Variants in FARP1 observed in about 807,000 individuals in gnomAD.
The protein encoded by FARP1 is FERM, ARH/RhoGEF and pleckstrin domain protein 1.
A neutral mutation model predicts 128.8 loss-of-function variants in FARP1; 52 were observed. The observed-to-expected ratio is 0.40, with a 90% CI of 0.32 to 0.51. The LOEUF is 0.51. FARP1 is among the 20% of genes least tolerant of loss of function. The pLI, the probability that FARP1 is intolerant of heterozygous loss-of-function variation, is 0.45. For missense variants in FARP1, 1,333 were observed against 1,367.9 expected, an observed-to-expected ratio of 0.97 and a Z score of 0.40; for synonymous variants, 580 against 551.8, an observed-to-expected ratio of 1.05 and a Z score of -0.72.
At chr13:98,266,005 TAAC>T (rs1314418855) in intron 2 of FARP1, among the ~76,000 whole-genome samples, 1 of 152,210 alleles carries the variant, frequency 6.6e-6, no homozygotes, top group African/African-American at 2.4e-5. Context: ...TATGTGACAG[TAAC>T]AATAGGCTAA....
intron 1 of FARP1, among the ~76,000 whole-genome samples, chr13:98,155,245 C>T (rs1315492817): frequency 6.7e-6 from 1 of 149,080 alleles, no homozygotes; most frequent in African/African-American, 2.5e-5. Flanking sequence ...ACTTGGGAGG[C>T]TGATGCAGGA....
At chr13:98,381,923 C>A (rs1374482696) in intron 6 of FARP1, among the ~76,000 whole-genome samples, 1 of 152,088 alleles carries the variant, frequency 6.6e-6, no homozygotes, top group East Asian at 1.9e-4. Context: ...GAGACCCAGG[C>A]AGGAGGATCT....
chr13:98,270,368 C>T (rs1030849274), intron 2 of FARP1, among the ~76,000 whole-genome samples: 3 of 152,050 alleles, frequency 2.0e-5, no homozygotes, highest in African/African-American at 7.2e-5. Flanking sequence ...GCTTATTTTC[C>T]AAGAGCTCTC....
At chr13:98,440,532 G>C (rs558642915) in intron 23 of FARP1, 138 bp from the exon 24 acceptor site, 1 of 811,124 alleles carries the variant, frequency 1.2e-6, no homozygotes, top group South Asian at 1.8e-5. Context: ...AGGGTCCATC[G>C]AGGCCTCATT....
chr13:98,347,691 C>A (rs1191489436), intron 3 of FARP1, among the ~76,000 whole-genome samples: 1 of 152,174 alleles, frequency 6.6e-6, no homozygotes, highest in Non-Finnish European at 1.5e-5. Flanking sequence ...AGCCATGCTG[C>A]AATGAACGTG....
intron 2 of FARP1, among the ~76,000 whole-genome samples, chr13:98,266,809 C>A (rs7336510): frequency 6.6e-6 from 1 of 151,820 alleles, no homozygotes; most frequent in African/African-American, 2.4e-5. Context: ...GTCAGGAGTT[C>A]GAGACCAGCC....
intron 2 of FARP1, among the ~76,000 whole-genome samples, chr13:98,259,191 CT>C (rs1410348520): frequency 6.6e-6 from 1 of 152,074 alleles, no homozygotes; most frequent in Non-Finnish European, 1.5e-5. Context: ...ACTGTCACCC[CT>C]GGGCAACAGA....
At chr13:98,165,468 A>G (rs1303327195) in intron 1 of FARP1, among the ~76,000 whole-genome samples, 1 of 152,000 alleles carries the variant, frequency 6.6e-6, no homozygotes, top group Non-Finnish European at 1.5e-5. Flanking sequence ...AACCCCACCA[A>G]TTCAGAGTTC....
chr13:98,333,478 C>T (rs888484446), intron 2 of FARP1: 1 of 148,270 alleles, frequency 6.7e-6, no homozygotes, highest in African/African-American at 2.5e-5. Context: ...CACACACACA[C>T]AAAATCTATC....
chr13:98,162,311 G>A (rs1047567663), intron 1 of FARP1, among the ~76,000 whole-genome samples: 2 of 152,152 alleles, frequency 1.3e-5, no homozygotes, highest in African/African-American at 2.4e-5. Flanking sequence ...AGTGGCATAG[G>A]ACAGATTTCT....
intron 19 of FARP1, chr13:98,437,762 C>T: frequency 8.3e-6 from 12 of 1,440,218 alleles, no homozygotes; most frequent in Non-Finnish European, 1.2e-5. Context: ...CTCGGTCCCA[C>T]CAGCCTGGCT....
rs1049393637 is a variant in FARP1, at chr13:98,449,979, C to CCACT, written c.*1669_*1672dup. The CCACT allele has an allele frequency of 6.6e-6, 1 of 152,186 alleles. No homozygotes were observed. Among genetic ancestry groups the CCACT allele is most frequent in the African/African-American group, 2.4e-5 (1 of 41,430 alleles). The allele number at this position is 152,186 out of a possible 1,614,324, so 9.4% of individuals were successfully genotyped here. On this transcript the variant is annotated 3_prime_UTR_variant, in exon 27 of 27. Transcript: ENST00000319562. ...AGCATCAGGCTCCCTCCAGAAGTCA[C>CCACT]CACTCACTCATTCCTGGAGACTTGG...
chr13:98,421,919 A>G (rs1296737844), intron 16 of FARP1, among the ~76,000 whole-genome samples: 1 of 152,218 alleles, frequency 6.6e-6, no homozygotes, highest in East Asian at 1.9e-4. Flanking sequence ...ATAAGATCCT[A>G]AAATCTGGAA....
chr13:98,378,041 C>T lies in FARP1; in HGVS notation c.496+123C>T, dbSNP rs1889668018. ...ATGTTTTTGTGTTATTTTTGCTGTTCGTATGAAGGCCTACGGGTGGAAGAG... is the reference window on the plus strand; with the variant it reads ...ATGTTTTTGTGTTATTTTTGCTGTTTGTATGAAGGCCTACGGGTGGAAGAG... On this transcript the variant is annotated intron_variant, in intron 6 of 26. Coordinates refer to ENST00000319562, the MANE Select transcript of FARP1 (RefSeq NM_005766.4). 7.0e-6 allele frequency: 5 copies of T among 716,274 alleles called. No homozygotes were observed. The East Asian group carries it at 1.1e-4, about 15-fold the overall frequency. 44.4% of individuals were successfully genotyped at this position (716,274 alleles called of 1,614,324 possible).
At chr13:98,407,910 C>T (rs1428480708) in intron 13 of FARP1, among the ~76,000 whole-genome samples, 1 of 152,150 alleles carries the variant, frequency 6.6e-6, no homozygotes, top group African/African-American at 2.4e-5. Context: ...CTTGTAATTC[C>T]AAAATGCACA....
chr13:98,442,709 CG>C (rs1231528408), intron 24 of FARP1, among the ~76,000 whole-genome samples: 2 of 152,162 alleles, frequency 1.3e-5, no homozygotes, highest in Admixed American at 6.5e-5. Context: ...ACCCCCGAAG[CG>C]GAGGAGCAGG....
Position 98,442,755 on chromosome 13 carries a change from C to A in FARP1, c.2796+1919C>A, listed in dbSNP as rs551896735. Among the ~76,000 whole-genome samples, 8 of 152,346 alleles carry A rather than the reference C, an allele frequency of 5.3e-5. No homozygotes were observed. The East Asian group carries it at 1.5e-3, about 29-fold the overall frequency. On this transcript the variant is annotated intron_variant, in intron 24 of 26. Transcript: ENST00000319562. ...GTGATAGGCTCATGGGAAACGAGGC[C>A]TCATCAGATCTCACCTGTGGGCGTG...
intron 6 of FARP1, among the ~76,000 whole-genome samples, chr13:98,378,537 T>C (rs753409062): frequency 3.9e-5 from 6 of 152,148 alleles, no homozygotes; most frequent in Non-Finnish European, 8.8e-5. Context: ...AGAAAGGTAA[T>C]TGTGGGTATA....
At chr13:98,276,609 C>T (rs560257113) in intron 2 of FARP1, among the ~76,000 whole-genome samples, 6 of 152,268 alleles carry the variant, frequency 3.9e-5, no homozygotes, top group Middle Eastern at 3.4e-3. Flanking sequence ...ATTGTTTTTA[C>T]GTTTGGATTT....
Sources: gnomAD v4.1 joint callset for allele counts (sites outside exome capture counted in the v4.1 genomes callset) on GRCh38, gnomAD v4.1.1 for gene constraint, MANE v1.5 for transcripts, NCBI Gene and HGNC (gene_info 2026-07-23, HGNC 2026-07-21) for gene names.